Variants in CHST15 observed in about 807,000 individuals in gnomAD.
The protein encoded by CHST15 is carbohydrate sulfotransferase 15.
Under a neutral mutation model 53.6 loss-of-function variants are expected in CHST15, and 30 were observed. The ratio of observed to expected loss-of-function variants is 0.56; its 90% CI spans 0.42 to 0.76. The LOEUF is 0.76. Among genes scored for constraint, CHST15 ranks in the 30% least tolerant of loss-of-function variants. The probability of loss-of-function intolerance (pLI) is 0.00; values close to 1 mark genes in which losing one functional copy is unlikely to be tolerated. For synonymous variants in CHST15, 296 were observed against 289.8 expected (o/e 1.02, Z -0.22); for missense variants, 627 against 740.5 (o/e 0.85, Z 1.78).
intron 1 of CHST15, among the ~76,000 whole-genome samples, chr10:124,078,630 TC>T (rs1331585811): frequency 6.6e-6 from 1 of 152,222 alleles, no homozygotes; most frequent in Non-Finnish European, 1.5e-5. Context: ...GTGAAATTCA[TC>T]CTCCAGTATT....
chr10:124,027,066 G>A (rs998289111), intron 5 of CHST15, among the ~76,000 whole-genome samples: 5 of 152,080 alleles, frequency 3.3e-5, no homozygotes, highest in East Asian at 1.9e-4. Context: ...AAACCATCCC[G>A]AACAGATGGG....
chr10:124,088,620 C>A (rs1949512159), intron 1 of CHST15, among the ~76,000 whole-genome samples: 1 of 152,212 alleles, frequency 6.6e-6, no homozygotes, highest in South Asian at 2.1e-4. Flanking sequence ...TCCTGCACAT[C>A]CGGATGGCTG....
At chr10:124,026,638 G>A (rs952804169) in intron 5 of CHST15, among the ~76,000 whole-genome samples, 2 of 152,182 alleles carry the variant, frequency 1.3e-5, no homozygotes, top group Admixed American at 1.3e-4. Context: ...GCAGGGGCAC[G>A]GATGCAACCC....
intron 1 of CHST15, among the ~76,000 whole-genome samples, chr10:124,082,998 T>G (rs890672041): frequency 3.3e-5 from 5 of 152,216 alleles, no homozygotes; most frequent in African/African-American, 1.2e-4. Flanking sequence ...AAAAAAGTTC[T>G]AAAATTAGCT....
rs781622916 is a variant in CHST15 at position 124,008,572 on chromosome 10, C to T, written c.*1577G>A. ...ATCCTGGCGCTCAGAGCCCTCTGCA[C>T]ACCTTCGAACGGGCTGTGTGTCCCT... On this transcript the variant is annotated 3_prime_UTR_variant, in exon 8 of 8. Transcript: ENST00000435907. 4.1e-5 allele frequency: 41 copies of T among 1,004,004 alleles called. No homozygotes were observed. The highest frequency in any genetic ancestry group is 4.6e-5 in the Non-Finnish European group (39 of 840,126). The allele number at this position is 1,004,004 out of a possible 1,614,324, so 62.2% of individuals were successfully genotyped here.
rs1409588333 is a variant in CHST15 at position 124,019,587 on chromosome 10, G to A, written c.1347+1669C>T. 5 of 198,458 alleles carry A rather than the reference G, an allele frequency of 2.5e-5. No individual in the cohort carries two copies. The highest frequency in any genetic ancestry group is 3.6e-5 in the Non-Finnish European group (4 of 110,404). 12.3% of individuals were successfully genotyped at this position (198,458 alleles called of 1,614,324 possible). Reference sequence around the variant, plus strand: ...ACACGCACAGGTTTCCCGTTTCTCCGGGTCTCCGTTTCCTTATGAAGGCTC... The same window carrying A: ...ACACGCACAGGTTTCCCGTTTCTCCAGGTCTCCGTTTCCTTATGAAGGCTC... On this transcript the variant is annotated intron_variant, in intron 6 of 7. Transcript: ENST00000435907. The surrounding 1 kb of genome is among the most constrained non-coding windows in gnomAD (Gnocchi z 4.6).
At chr10:124,081,384 ACACACACG>A (rs1949232268) in intron 1 of CHST15, among the ~76,000 whole-genome samples, 6 of 152,032 alleles carry the variant, frequency 3.9e-5, no homozygotes, top group Admixed American at 1.3e-4. Flanking sequence ...ACGCATGCAC[ACACACACG>A]CGTGCACACA....
rs889746122 is a variant in CHST15, at chr10:124,070,387, G to C, written c.-513+23082C>G. The stretch of plus-strand genomic sequence containing the variant: ...CAGTAAAGTTTTTTTGTTTTGTTTT[G>C]TTTTTGTTTTGACACTGAGTCTCGC... On this transcript the variant is annotated intron_variant, in intron 1 of 7. Coordinates refer to ENST00000435907, the MANE Select transcript of CHST15 (RefSeq NM_001270764.2). 3.9e-5 allele frequency among the ~76,000 whole-genome samples: 6 copies of C among 152,222 alleles called. No individual in the cohort carries two copies. In the East Asian group the frequency reaches 1.2e-3, roughly 29 times the overall value.
intron 7 of CHST15, chr10:124,010,920 C>T: frequency 1.0e-6 from 1 of 985,454 alleles, no homozygotes; most frequent in East Asian, 1.1e-4. Flanking sequence ...GCAAGGAGAT[C>T]AGGGAGAAGA....
At chr10:124,027,930 G>A (rs1947075065) in intron 5 of CHST15, among the ~76,000 whole-genome samples, 1 of 152,230 alleles carries the variant, frequency 6.6e-6, no homozygotes, top group African/African-American at 2.4e-5. Context: ...TAGAGTGGGT[G>A]CTGGCCGTCT....
rs547115689 is a variant in CHST15, at chr10:124,024,167, C to T, written c.1191-2755G>A. Among the ~76,000 whole-genome samples the T allele has an allele frequency of 2.6e-5, 4 of 152,330 alleles. No homozygotes were observed. In the East Asian group the frequency reaches 7.7e-4, roughly 29 times the overall value. Reference sequence around the variant, plus strand: ...GCCGCCATCCATACTTCCAAACGCTCCCAGACCTTCAGCCACATACTACCC... The same window carrying T: ...GCCGCCATCCATACTTCCAAACGCTTCCAGACCTTCAGCCACATACTACCC... On this transcript the variant is annotated intron_variant, in intron 5 of 7. Coordinates refer to ENST00000435907, the MANE Select transcript of CHST15 (RefSeq NM_001270764.2). This position sits in a 1 kb window ranked among gnomAD's most constrained non-coding sequence, Gnocchi z 4.0.
In CHST15 at chr10:124,046,277, T is replaced by C; in HGVS notation, c.-65A>G. On this transcript the variant is annotated 5_prime_UTR_variant, in exon 2 of 8. Coordinates refer to ENST00000435907, the MANE Select transcript of CHST15 (RefSeq NM_001270764.2). Reference sequence around the variant, plus strand: ...TGGGTGGGCCCCCCACGAGTCTGGATGTCCGCAAGTCGTGCTAGAAAACCT... The same window carrying C: ...TGGGTGGGCCCCCCACGAGTCTGGACGTCCGCAAGTCGTGCTAGAAAACCT... The C allele has an allele frequency of 2.0e-6, 3 of 1,463,922 alleles. No individual in the cohort carries two copies. The highest frequency in any genetic ancestry group is 2.8e-6 in the Non-Finnish European group (3 of 1,088,380). The allele number at this position is 1,463,922 out of a possible 1,614,324, so 90.7% of individuals were successfully genotyped here. A position where few individuals can be genotyped will look rare whatever the true frequency, so the allele number is the denominator to read the frequency against.
chr10:124,048,913 G>A (rs926896558), intron 1 of CHST15, among the ~76,000 whole-genome samples: 7 of 152,136 alleles, frequency 4.6e-5, no homozygotes, highest in Admixed American at 2.0e-4. Flanking sequence ...ATGAGCAGCC[G>A]ACAGTCTCAA....
At chr10:124,010,403 C>A in intron 7 of CHST15, 64 bp from the exon 8 acceptor site, 1 of 1,465,164 alleles carries the variant, frequency 6.8e-7, no homozygotes, top group South Asian at 1.4e-5. Flanking sequence ...AGGGACTTTG[C>A]AAAAATCCCA....
intron 1 of CHST15, among the ~76,000 whole-genome samples, chr10:124,068,297 C>A (rs1183171798): frequency 1.3e-5 from 2 of 152,090 alleles, no homozygotes; most frequent in African/African-American, 4.8e-5. Flanking sequence ...ACTTAGCCCA[C>A]CTCAGTTCCT....
chr10:124,062,189 C>T (rs1293749507), intron 1 of CHST15, among the ~76,000 whole-genome samples: 2 of 152,100 alleles, frequency 1.3e-5, no homozygotes, highest in South Asian at 4.1e-4. Context: ...ACCAAAGGAA[C>T]TCCAGGTCCA....
In CHST15 at chr10:124,013,382, G is replaced by A. The variant is rs144226092; in HGVS notation, c.1348-902C>T. Reference sequence around the variant, plus strand: ...AAGGCTTGGCCTGGCAATACTCCACGAGGATTGCCACATACCATGGCCAGT... The same window carrying A: ...AAGGCTTGGCCTGGCAATACTCCACAAGGATTGCCACATACCATGGCCAGT... On this transcript the variant is annotated intron_variant, in intron 6 of 7. Coordinates refer to ENST00000435907, the MANE Select transcript of CHST15 (RefSeq NM_001270764.2). Among the ~76,000 whole-genome samples the A allele has an allele frequency of 2.6e-3, 389 of 152,304 alleles. 2 individuals carry two copies. The highest frequency in any genetic ancestry group is 9.0e-3 in the African/African-American group (373 of 41,552).
At chr10:124,075,081 T>C (rs1227775773) in intron 1 of CHST15, among the ~76,000 whole-genome samples, 1 of 152,230 alleles carries the variant, frequency 6.6e-6, no homozygotes, top group Non-Finnish European at 1.5e-5. Context: ...GTAATACAAA[T>C]ACTGTGAAGT....
intron 5 of CHST15, 38 bp downstream of exon 5, chr10:124,038,477 T>A (rs948085625): frequency 6.2e-7 from 1 of 1,601,846 alleles, no homozygotes; most frequent in African/African-American, 1.3e-5. Context: ...CAAAAGTTCC[T>A]CTTCTCACCC....
Sources: gnomAD v4.1 joint callset for allele counts (sites outside exome capture counted in the v4.1 genomes callset) on GRCh38, gnomAD v4.1.1 for gene constraint, Gnocchi (gnomAD v3.1) non-coding constraint, MANE v1.5 for transcripts, NCBI Gene and HGNC (gene_info 2026-07-23, HGNC 2026-07-21) for gene names.